The following RGPD8 variants were observed in gnomAD, a reference collection of about 807,000 sequenced individuals.
RGPD8 encodes the protein RANBP2-like and GRIP domain-containing protein 8.
In RGPD8, 15 loss-of-function variants were observed where a neutral mutation model predicts 89.1. The ratio of observed to expected loss-of-function variants is 0.17; its 90% confidence interval spans 0.11 to 0.26. RGPD8 has a LOEUF of 0.26. Ranked by LOEUF, RGPD8 falls within the 10% of genes least tolerant of loss-of-function variation. The pLI, the probability that RGPD8 is intolerant of heterozygous loss-of-function variation, is 1.00. For missense variants in RGPD8, 178 were observed against 1,179.6 expected (o/e 0.15, Z 12.44); for synonymous variants, 62 against 420.9 (o/e 0.15, Z 10.44).
At chr2:112,431,854 G>A (rs1287390743) in intron 1 of RGPD8, among the ~76,000 whole-genome samples, 1 of 152,142 alleles carries the variant, frequency 6.6e-6, no homozygotes, top group Non-Finnish European at 1.5e-5. Context: ...TAGCCAGGCT[G>A]GTCTCGAACT....
intron 21 of RGPD8, among the ~76,000 whole-genome samples, chr2:112,379,322 C>G (rs1242377823): frequency 6.6e-6 from 1 of 151,504 alleles, no homozygotes; most frequent in African/African-American, 2.4e-5. Context: ...TTTGGCCAGG[C>G]GTGGTGGCTC....
chr2:112,393,145 GC>G (rs1464874311), intron 18 of RGPD8: 3 of 398,684 alleles, frequency 7.5e-6, no homozygotes, highest in African/African-American at 6.4e-5. Context: ...GTGCCACAAA[GC>G]TGTTTTGTGA....
At chr2:112,430,752 G>A (rs571885868) in intron 1 of RGPD8, among the ~76,000 whole-genome samples, 10 of 151,862 alleles carry the variant, frequency 6.6e-5, no homozygotes, top group Non-Finnish European at 1.3e-4. Flanking sequence ...CTTGAGCCCA[G>A]GAGTTGGAGA....
At chr2:112,422,524 C>T (rs1679599468) in intron 3 of RGPD8, 24 bp downstream of exon 3, 2 of 1,609,624 alleles carry the variant, frequency 1.2e-6, no homozygotes, top group Non-Finnish European at 1.7e-6. Flanking sequence ...TATGCAAAGG[C>T]TATATTTGAA....
At chr2:112,415,934 ACAAAAATTAGCTGGG>A (rs1679387436) in intron 6 of RGPD8, among the ~76,000 whole-genome samples, 1 of 152,182 alleles carries the variant, frequency 6.6e-6, no homozygotes, top group Non-Finnish European at 1.5e-5. Context: ...TACTAAAAAT[ACAAAAATTAGCTGGG>A]CGTAGTGGTG....
At chr2:112,374,134 T>C (rs1336704836) in intron 22 of RGPD8, among the ~76,000 whole-genome samples, 1 of 120,832 alleles carries the variant, frequency 8.3e-6, no homozygotes, top group East Asian at 2.5e-4. Context: ...AAAAGGTACT[T>C]GTTTGCTCTG....
intron 22 of RGPD8, among the ~76,000 whole-genome samples, chr2:112,376,494 C>T (rs1442567172): frequency 8.9e-6 from 1 of 112,078 alleles, no homozygotes; most frequent in Non-Finnish European, 1.9e-5. Flanking sequence ...TAAAAATATA[C>T]TTATATATAT....
At chr2:112,411,167 A>G (rs1304395586) in intron 7 of RGPD8, among the ~76,000 whole-genome samples, 1 of 152,290 alleles carries the variant, frequency 6.6e-6, no homozygotes, top group East Asian at 1.9e-4. Flanking sequence ...CAAGCAAAAA[A>G]TCCTTCTCTA....
At chr2:112,380,009 CTA>C (rs1678230683) in intron 21 of RGPD8, among the ~76,000 whole-genome samples, 1 of 151,696 alleles carries the variant, frequency 6.6e-6, no homozygotes, top group Non-Finnish European at 1.5e-5. Flanking sequence ...AGCAGTATGA[CTA>C]TATTCTGAGG....
intron 21 of RGPD8, among the ~76,000 whole-genome samples, chr2:112,379,092 G>A (rs1353573341): frequency 7.4e-5 from 10 of 135,586 alleles, no homozygotes; most frequent in African/African-American, 1.6e-4. Context: ...CACTATCAGA[G>A]AAATGAGGCA....
intron 2 of RGPD8, 97 bp from the exon 3 acceptor site, chr2:112,422,756 C>T: frequency 1.8e-6 from 1 of 550,010 alleles, no homozygotes; most frequent in Non-Finnish European, 3.1e-6. Context: ...AACCACTAAA[C>T]TCGTTTATAT....
At position 112,424,224 on chromosome 2, in the gene RGPD8, T is replaced by C; in HGVS notation, c.140+16A>G. On this transcript the variant is annotated intron_variant, in intron 2 of 22. Coordinates refer to ENST00000302558, the MANE Select transcript of RGPD8 (RefSeq NM_001164463.1). The stretch of plus-strand genomic sequence containing the variant: ...TGATTTTAAAAAAAAGAATACATGT[T>C]ACGGTTTGTACTTACTTTTTAGCAA... The C allele has an allele frequency of 6.3e-7, 1 of 1,586,622 alleles. No individual in the cohort carries two copies. Among genetic ancestry groups the C allele is most frequent in the Non-Finnish European group, 8.5e-7 (1 of 1,173,146 alleles).
chr2:112,423,896 T>G (rs1183254937), intron 2 of RGPD8, among the ~76,000 whole-genome samples: 1 of 152,258 alleles, frequency 6.6e-6, no homozygotes, highest in African/African-American at 2.4e-5. Flanking sequence ...TATTCATTGC[T>G]ATTTTCCATC....
chr2:112,429,179 G>C (rs74732901), intron 1 of RGPD8, among the ~76,000 whole-genome samples: 16,288 of 151,656 alleles, frequency 0.11, 1,155 homozygotes, highest in Non-Finnish European at 0.16. Context: ...CCAGCACTTT[G>C]GGAGGCTGAG....
At chr2:112,428,376 G>A (rs531553487) in intron 1 of RGPD8, among the ~76,000 whole-genome samples, 1 of 150,056 alleles carries the variant, frequency 6.7e-6, no homozygotes, top group East Asian at 1.9e-4. Context: ...CCTGGGAGGC[G>A]GAGGTTGCGG....
chr2:112,420,272 T>C (rs1269960120), intron 4 of RGPD8, among the ~76,000 whole-genome samples: 1 of 44,474 alleles, frequency 2.2e-5, no homozygotes, highest in Non-Finnish European at 4.1e-5. Flanking sequence ...CAAAACTTAA[T>C]ATGGATCACA....
At chr2:112,370,896 A>T (rs1327304576) in intron 22 of RGPD8, among the ~76,000 whole-genome samples, 3 of 151,806 alleles carry the variant, frequency 2.0e-5, no homozygotes, top group East Asian at 3.9e-4. Flanking sequence ...CCAGCACATA[A>T]GAAATTCTTC....
intron 1 of RGPD8, 105 bp downstream of exon 1, chr2:112,433,277 G>C (rs1161374576): frequency 4.2e-6 from 5 of 1,199,940 alleles, no homozygotes; most frequent in Non-Finnish European, 5.4e-6. Flanking sequence ...AGCAGCGCCC[G>C]TCGGGAGCCA....
At chr2:112,382,240 A>G (rs1197712225) in intron 20 of RGPD8, among the ~76,000 whole-genome samples, 3 of 152,282 alleles carry the variant, frequency 2.0e-5, no homozygotes, top group African/African-American at 7.2e-5. Flanking sequence ...GTAATACTTA[A>G]TAAGCATCCA....
Sources: gnomAD v4.1 joint callset for allele counts (sites outside exome capture counted in the v4.1 genomes callset) on GRCh38, gnomAD v4.1.1 for gene constraint, MANE v1.5 for transcripts, NCBI Gene and HGNC (gene_info 2026-07-23, HGNC 2026-07-21) for gene names.